The following TIPARP variants were observed in gnomAD, a reference collection of about 807,000 sequenced individuals.
TIPARP encodes the protein TCDD inducible poly(ADP-ribose) polymerase.
A neutral mutation model predicts 56.5 loss-of-function variants in TIPARP; 12 were observed. The observed-to-expected ratio is 0.21, with a 90% CI of 0.14 to 0.34. TIPARP has a LOEUF of 0.34. TIPARP is among the 10% of genes least tolerant of loss of function. The probability of loss-of-function intolerance (pLI) is 1.00; values close to 1 mark genes in which losing one functional copy is unlikely to be tolerated. For synonymous variants in TIPARP, 296 were observed against 265.7 expected, an observed-to-expected ratio of 1.11 and a Z score of -1.11; for missense variants, 604 against 781.6, an observed-to-expected ratio of 0.77 and a Z score of 2.71.
At chr3:156,703,881 C>T (rs1480398136) in intron 5 of TIPARP, among the ~76,000 whole-genome samples, 179 bp downstream of exon 5, 3 of 151,824 alleles carry the variant, frequency 2.0e-5, no homozygotes, top group Non-Finnish European at 2.9e-5. Flanking sequence ...GGCGTGGTGG[C>T]GGGCACCTGT....
In TIPARP at chr3:156,704,401, A is replaced by AT. The variant is rs534280647; in HGVS notation, c.1527-281dup. On this transcript the variant is annotated intron_variant, in intron 5 of 5. Transcript: ENST00000295924. ...ATCTCAGAATCTAAGAGACCCTCAG[A>AT]TTGGAGGAATTAGGCAAGGAGGGCA... Among the ~76,000 whole-genome samples, 40 of 152,302 alleles carry AT rather than the reference A, an allele frequency of 2.6e-4. No individual in the cohort carries two copies. The East Asian group carries it at 7.3e-3, about 28-fold the overall frequency.
intron 2 of TIPARP, among the ~76,000 whole-genome samples, chr3:156,686,675 G>A (rs887735689): frequency 9.2e-5 from 14 of 151,968 alleles, no homozygotes; most frequent in African/African-American, 3.1e-4. Flanking sequence ...CCTTTTTATG[G>A]GTATCATTTG....
intron 2 of TIPARP, among the ~76,000 whole-genome samples, chr3:156,684,899 A>C (rs1035844763): frequency 6.6e-6 from 1 of 152,224 alleles, no homozygotes; most frequent in African/African-American, 2.4e-5. Context: ...TCCCTGACAC[A>C]GTAACTGAAA....
chr3:156,698,950 G>C (rs1722782490), intron 4 of TIPARP, among the ~76,000 whole-genome samples: 1 of 152,200 alleles, frequency 6.6e-6, no homozygotes. Context: ...GTTTATTTCA[G>C]CCCACATGGA....
chr3:156,681,109 T>C (rs1196363261), intron 2 of TIPARP: 2 of 456,292 alleles, frequency 4.4e-6, no homozygotes, highest in East Asian at 1.4e-4. Context: ...CAAAGCGATG[T>C]TGTGTTTCCT....
rs775954799 is a variant in TIPARP at position 156,705,152 on chromosome 3, T to C, written c.*21T>C. The C allele has an allele frequency of 3.9e-6, 6 of 1,543,492 alleles. No homozygotes were observed. Among genetic ancestry groups the C allele is most frequent in the Middle Eastern group, 2.0e-4 (1 of 5,046 alleles). Reference sequence around the variant, plus strand: ...TTTGAAAAATCTTGGTACTGCTAAATTATTTGATATGAACTCAATCCAGCA... The same window carrying C: ...TTTGAAAAATCTTGGTACTGCTAAACTATTTGATATGAACTCAATCCAGCA... On this transcript the variant is annotated 3_prime_UTR_variant, in exon 6 of 6. Transcript: ENST00000295924.
At chr3:156,686,456 A>T (rs1722430715) in intron 2 of TIPARP, among the ~76,000 whole-genome samples, 1 of 152,196 alleles carries the variant, frequency 6.6e-6, no homozygotes, top group Non-Finnish European at 1.5e-5. Flanking sequence ...AAGAACTATC[A>T]GAGTGATGAA....
chr3:156,691,635 C>T (rs879586708), intron 2 of TIPARP, among the ~76,000 whole-genome samples: 4 of 152,100 alleles, frequency 2.6e-5, no homozygotes, highest in Non-Finnish European at 5.9e-5. Context: ...ATATTGCACA[C>T]ATTTATGCTG....
chr3:156,695,383 TTTA>T (rs2108494923), intron 3 of TIPARP, among the ~76,000 whole-genome samples: 1 of 152,012 alleles, frequency 6.6e-6, no homozygotes, highest in South Asian at 2.1e-4. Context: ...TCAACTAATT[TTTA>T]TTTTTTATTT....
chr3:156,681,035 T>C, intron 2 of TIPARP: 1 of 418,754 alleles, frequency 2.4e-6, no homozygotes, highest in Non-Finnish European at 4.8e-6. Context: ...GATAGCTAAG[T>C]GTCAAAAATT....
chr3:156,689,522 A>G (rs748549821), intron 2 of TIPARP, among the ~76,000 whole-genome samples: 4 of 152,320 alleles, frequency 2.6e-5, no homozygotes, highest in Middle Eastern at 3.4e-3. Flanking sequence ...TCATTCTTCT[A>G]TACCACTACA....
At chr3:156,683,268 T>C (rs531979626) in intron 2 of TIPARP, among the ~76,000 whole-genome samples, 1 of 152,268 alleles carries the variant, frequency 6.6e-6, no homozygotes, top group South Asian at 2.1e-4. Context: ...TATCATTGAG[T>C]TGAATCCAAA....
chr3:156,683,224 C>A (rs986948787), intron 2 of TIPARP, among the ~76,000 whole-genome samples: 3 of 152,024 alleles, frequency 2.0e-5, no homozygotes, highest in Non-Finnish European at 4.4e-5. Flanking sequence ...ATGTGGCATT[C>A]CCTAAAAATA....
chr3:156,705,853 C>G lies in TIPARP; in HGVS notation c.*722C>G, dbSNP rs915145590. The G allele has an allele frequency of 6.6e-6, 1 of 152,618 alleles. No homozygotes were observed. The highest frequency in any genetic ancestry group is 2.4e-5 in the African/African-American group (1 of 41,456). The allele number at this position is 152,618 out of a possible 1,614,324, so 9.5% of individuals were successfully genotyped here. ...ATGTGATTTTTGTGTTGTTAAACTT[C>G]AGCTTTGGAAAACTCAGTCTCTTTC... On this transcript the variant is annotated 3_prime_UTR_variant, in exon 6 of 6. Transcript: ENST00000295924.
In TIPARP at chr3:156,677,985, C is replaced by G; in HGVS notation, c.288C>G (p.Ile96Met). 1 of 1,614,086 alleles carries G rather than the reference C, an allele frequency of 6.2e-7. No homozygotes were observed. The highest frequency in any genetic ancestry group is 1.3e-5 in the African/African-American group (1 of 75,028). ...HEPMMKKAME[I>M]NSSCPPAENN... Reference sequence around the variant, plus strand: ...CTATGATGAAGAAAGCCATGGAAATCAATTCATCATGCCCACCAGCAGAAA... The same window carrying G: ...CTATGATGAAGAAAGCCATGGAAATGAATTCATCATGCCCACCAGCAGAAA... The change falls in exon 2 of 6, where the codon ATC becomes ATG. Residue 96 changes from isoleucine to methionine, a missense_variant. Physicochemically the swap from Ile to Met is conservative, Grantham distance 10. This residue lies in a region of TIPARP where 261 missense variants were observed against 279.2 expected (regional missense o/e 0.93). Coordinates refer to ENST00000295924, the MANE Select transcript of TIPARP (RefSeq NM_015508.5).
At position 156,695,826 on chromosome 3, in the gene TIPARP, C is replaced by CTTTTTTTT. The variant is rs10631452; in HGVS notation, c.1087-29_1087-22dup. 7.7e-4 allele frequency: 791 copies of CTTTTTTTT among 1,030,934 alleles called. 72 individuals are homozygous for CTTTTTTTT. The highest frequency in any genetic ancestry group is 3.7e-3 in the South Asian group (123 of 32,812). 63.9% of individuals were successfully genotyped at this position (1,030,934 alleles called of 1,614,324 possible). A position where few individuals can be genotyped will look rare whatever the true frequency, so the allele number is the denominator to read the frequency against. ...TTTTTAACCATGATTATTAACTTTCCTTTTTTTTTTTTTTTTTGTTCTGTT... is the reference window on the plus strand; with the variant it reads ...TTTTTAACCATGATTATTAACTTTCCTTTTTTTTTTTTTTTTTTTTTTTTTGTTCTGTT... On this transcript the variant is annotated intron_variant, in intron 3 of 5. Coordinates refer to ENST00000295924, the MANE Select transcript of TIPARP (RefSeq NM_015508.5).
chr3:156,678,674 C>A, intron 2 of TIPARP, 60 bp downstream of exon 2: 1 of 1,474,912 alleles, frequency 6.8e-7, no homozygotes, highest in Non-Finnish European at 9.1e-7. Context: ...GGTAAAGAAG[C>A]TAAAAGCTTA....
rs187588698 is a variant in TIPARP at position 156,682,542 on chromosome 3, T to C, written c.917+3928T>C. On this transcript the variant is annotated intron_variant, in intron 2 of 5. Coordinates refer to ENST00000295924, the MANE Select transcript of TIPARP (RefSeq NM_015508.5). ...ATAAAAGAGAAATGTATATTAATGA[T>C]CATAAAAAGCATATACTGTTACAGT... 1.7e-4 allele frequency among the ~76,000 whole-genome samples: 26 copies of C among 152,304 alleles called. No individual in the cohort carries two copies. The East Asian group carries it at 5.0e-3, about 29-fold the overall frequency.
At chr3:156,702,070 TGG>T in intron 4 of TIPARP, among the ~76,000 whole-genome samples, 9 of 114,844 alleles carry the variant, frequency 7.8e-5, no homozygotes, top group African/African-American at 1.0e-4. Context: ...GTGGTGGTGG[TGG>T]TTGTGGTGGT....
Sources: allele counts gnomAD v4.1 joint callset (sites outside exome capture counted in the v4.1 genomes callset), GRCh38; gene constraint gnomAD v4.1.1; regional missense constraint gnomAD v4.1.1; transcripts MANE v1.5; gene names NCBI Gene and HGNC (gene_info 2026-07-23, HGNC 2026-07-21).